Variants in ANGPT1 observed in about 807,000 individuals in gnomAD.
ANGPT1 encodes angiopoietin-1.
ANGPT1 carries 17 observed loss-of-function variants against 62.2 expected under a neutral mutation model. The observed-to-expected ratio is 0.27, with a 90% CI of 0.19 to 0.41. The LOEUF is 0.41. Ranked by LOEUF, ANGPT1 falls within the 10% of genes least tolerant of loss-of-function variation. The pLI, the probability that ANGPT1 is intolerant of heterozygous loss-of-function variation, is 1.00. For missense variants in ANGPT1, 478 were observed against 594.9 expected, an observed-to-expected ratio of 0.80 and a Z score of 2.04; for synonymous variants, 199 against 198.9, an observed-to-expected ratio of 1.00 and a Z score of 0.00.
rs576115228 is a variant in ANGPT1 at position 107,466,914 on chromosome 8, A to AC, written c.297+30347_297+30348insG. Among the ~76,000 whole-genome samples, 9 of 152,206 alleles carry AC rather than the reference A, an allele frequency of 5.9e-5. No homozygotes were observed. In the South Asian group the frequency reaches 1.4e-3, roughly 25 times the overall value. ...GCAACAAGCTCCATCTCAAAAAAAA[A>AC]AATTATAATCGAGAAATATACAAAT... On this transcript the variant is annotated intron_variant, in intron 1 of 8. Coordinates refer to ENST00000517746, the MANE Select transcript of ANGPT1 (RefSeq NM_001146.5).
intron 1 of ANGPT1, among the ~76,000 whole-genome samples, chr8:107,351,611 A>G (rs968449062): frequency 5.9e-5 from 9 of 151,880 alleles, no homozygotes; most frequent in Non-Finnish European, 1.3e-4. Flanking sequence ...CCTTTGAGAA[A>G]AACATGCATC....
intron 1 of ANGPT1, among the ~76,000 whole-genome samples, chr8:107,468,953 T>C (rs796497699): frequency 6.6e-6 from 1 of 152,014 alleles, no homozygotes; most frequent in South Asian, 2.1e-4. Context: ...GCAAGAATAG[T>C]GAAATTGGGA....
At chr8:107,358,764 T>C (rs991237435) in intron 1 of ANGPT1, among the ~76,000 whole-genome samples, 1 of 152,198 alleles carries the variant, frequency 6.6e-6, no homozygotes, top group Non-Finnish European at 1.5e-5. Flanking sequence ...GAAAGAAGCC[T>C]GGGCTAATTT....
intron 1 of ANGPT1, among the ~76,000 whole-genome samples, chr8:107,451,928 T>C (rs1277918464): frequency 6.6e-6 from 1 of 151,986 alleles, no homozygotes; most frequent in Non-Finnish European, 1.5e-5. Flanking sequence ...TTTTTCACCA[T>C]GTTGATCTTT....
intron 5 of ANGPT1, among the ~76,000 whole-genome samples, chr8:107,297,736 A>T (rs924118654): frequency 6.7e-6 from 1 of 149,642 alleles, no homozygotes; most frequent in African/African-American, 2.5e-5. Context: ...CCACCTTTCT[A>T]TATGTATTAT....
chr8:107,268,406 T>TTGTG (rs10655133), intron 7 of ANGPT1, among the ~76,000 whole-genome samples: 28,117 of 144,470 alleles, frequency 0.19, 2,716 homozygotes, highest in East Asian at 0.27. Context: ...ACATGTAGGG[T>TTGTG]TGTGTGTGTG....
At chr8:107,397,443 G>GTGT (rs1475743725) in intron 1 of ANGPT1, among the ~76,000 whole-genome samples, 1 of 150,832 alleles carries the variant, frequency 6.6e-6, no homozygotes, top group Non-Finnish European at 1.5e-5. Context: ...AATGTTGCTT[G>GTGT]TGTGTGTGTG....
rs1470679676 is a variant in ANGPT1 at position 107,251,809 on chromosome 8, T to C, written c.*46A>G. The C allele has an allele frequency of 6.2e-7, 1 of 1,607,410 alleles. No homozygotes were observed. Reference sequence around the variant, plus strand: ...AAACAGTTTCTCACCTGGCAGCTTCTCCGGATTTCTTTGTTGCTTTCATAA... The same window carrying C: ...AAACAGTTTCTCACCTGGCAGCTTCCCCGGATTTCTTTGTTGCTTTCATAA... On this transcript the variant is annotated 3_prime_UTR_variant, in exon 9 of 9. Transcript: ENST00000517746.
intron 3 of ANGPT1, among the ~76,000 whole-genome samples, chr8:107,331,750 T>C (rs1010809400): frequency 6.6e-6 from 1 of 152,176 alleles, no homozygotes; most frequent in Non-Finnish European, 1.5e-5. Flanking sequence ...CGGCAGCTAG[T>C]ATTGCTCAAA....
At chr8:107,458,216 C>T (rs964827236) in intron 1 of ANGPT1, among the ~76,000 whole-genome samples, 1 of 152,142 alleles carries the variant, frequency 6.6e-6, no homozygotes, top group Non-Finnish European at 1.5e-5. Flanking sequence ...TTTATGATCA[C>T]ATTCTAACAT....
chr8:107,404,176 C>G (rs868248422), intron 1 of ANGPT1, among the ~76,000 whole-genome samples: 4 of 152,098 alleles, frequency 2.6e-5, no homozygotes, highest in African/African-American at 9.7e-5. Flanking sequence ...TTTCAACTAG[C>G]CTGATGATAT....
intron 1 of ANGPT1, among the ~76,000 whole-genome samples, chr8:107,469,664 A>G (rs1345802158): frequency 3.3e-5 from 5 of 151,990 alleles, no homozygotes; most frequent in African/African-American, 7.2e-5. Flanking sequence ...AAAGAATAGC[A>G]ATAAACCCAG....
At chr8:107,405,876 C>G (rs945984956) in intron 1 of ANGPT1, among the ~76,000 whole-genome samples, 1 of 151,710 alleles carries the variant, frequency 6.6e-6, no homozygotes, top group African/African-American at 2.4e-5. Flanking sequence ...TGATATTCCT[C>G]TCAATTTTCT....
At chr8:107,311,196 T>A (rs1814853357) in intron 4 of ANGPT1, among the ~76,000 whole-genome samples, 2 of 146,760 alleles carry the variant, frequency 1.4e-5, no homozygotes, top group Admixed American at 1.3e-4. Context: ...ACAGAAAATT[T>A]TAAAAAGTAG....
At chr8:107,461,639 C>A (rs907734391) in intron 1 of ANGPT1, among the ~76,000 whole-genome samples, 1 of 151,956 alleles carries the variant, frequency 6.6e-6, no homozygotes, top group African/African-American at 2.4e-5. Context: ...TTAATATTAC[C>A]AAGCCTGTCA....
intron 1 of ANGPT1, among the ~76,000 whole-genome samples, chr8:107,398,032 C>T (rs1017222916): frequency 1.5e-4 from 23 of 152,170 alleles, no homozygotes; most frequent in Admixed American, 6.5e-4. Flanking sequence ...CAGACAGATT[C>T]TCCTGAACTG....
chr8:107,347,488 C>A (rs1296414791), intron 1 of ANGPT1, among the ~76,000 whole-genome samples: 1 of 152,160 alleles, frequency 6.6e-6, no homozygotes, highest in Admixed American at 6.5e-5. Context: ...AGCAAGAATG[C>A]AGCCAAATTC....
chr8:107,309,366 T>C (rs1159847078), intron 4 of ANGPT1, among the ~76,000 whole-genome samples: 4 of 152,144 alleles, frequency 2.6e-5, no homozygotes. Flanking sequence ...TAACTGAGCA[T>C]ATAAAGGAAG....
Position 107,360,821 on chromosome 8 carries a change from C to A in ANGPT1, c.298-13724G>T, listed in dbSNP as rs188915212. Among the ~76,000 whole-genome samples the A allele has an allele frequency of 3.9e-5, 6 of 152,300 alleles. No homozygotes were observed. The East Asian group carries it at 9.7e-4, about 25-fold the overall frequency. On this transcript the variant is annotated intron_variant, in intron 1 of 8. Coordinates refer to ENST00000517746, the MANE Select transcript of ANGPT1 (RefSeq NM_001146.5). ...ATACAATGAAAAGTCCCCCTCACCA[C>A]TCTCACGCTTAGAAATACTGAAAGA...
Sources: allele counts gnomAD v4.1 joint callset (sites outside exome capture counted in the v4.1 genomes callset), GRCh38; gene constraint gnomAD v4.1.1; transcripts MANE v1.5; gene names NCBI Gene and HGNC (gene_info 2026-07-23, HGNC 2026-07-21).